Variants in SLC35F2 observed in about 807,000 individuals in gnomAD.
The protein encoded by SLC35F2 is queuine/queuosine transporter SLC35F2.
In SLC35F2, 25 loss-of-function variants were observed where a neutral mutation model predicts 38.1. The observed-to-expected ratio is 0.66, with a 90% CI of 0.48 to 0.92. The LOEUF (loss-of-function observed/expected upper bound fraction) is 0.92, where lower values mean the gene tolerates loss of function less well. Ranked by LOEUF, SLC35F2 falls within the 40% of genes least tolerant of loss-of-function variation. The pLI, the probability that SLC35F2 is intolerant of heterozygous loss-of-function variation, is 0.00. For synonymous variants in SLC35F2, 173 were observed against 181.7 expected, an observed-to-expected ratio of 0.95 and a Z score of 0.38; for missense variants, 409 against 452.9, an observed-to-expected ratio of 0.90 and a Z score of 0.88.
intron 1 of SLC35F2, among the ~76,000 whole-genome samples, chr11:107,857,347 AGGAAGGAAGGAGAGAGGGAGAGAGGGAG>A (rs1330603062): frequency 3.6e-5 from 5 of 140,438 alleles, no homozygotes; most frequent in Admixed American, 1.4e-4. Context: ...GAGAGAGGGA[AGGAAGGAAGGAGAGAGGGAGAGAGGGAG>A]GGAAGGGAGG....
At chr11:107,822,170 G>A (rs1276373900) in intron 1 of SLC35F2, among the ~76,000 whole-genome samples, 1 of 152,096 alleles carries the variant, frequency 6.6e-6, no homozygotes, top group African/African-American at 2.4e-5. Flanking sequence ...TTGAACCCAG[G>A]AGGCAGAGGC....
In SLC35F2 at chr11:107,810,687, T is replaced by C. The variant is rs555321006; in HGVS notation, c.414+980A>G. 8 of 984,698 alleles carry C rather than the reference T, an allele frequency of 8.1e-6. No homozygotes were observed. In the South Asian group the frequency reaches 2.4e-4, roughly 29 times the overall value. 61.0% of individuals were successfully genotyped at this position (984,698 alleles called of 1,614,324 possible). On this transcript the variant is annotated intron_variant, in intron 3 of 7. Transcript: ENST00000525815. ...CCCATACTGGTCAAAATCCAAGAGG[T>C]TTCCTGAGAACAATGCTTAGCACAA...
At chr11:107,796,887 G>A (rs1859226309) in intron 7 of SLC35F2, among the ~76,000 whole-genome samples, 1 of 152,032 alleles carries the variant, frequency 6.6e-6, no homozygotes. Flanking sequence ...TGCCCAGGCT[G>A]GTCTCAAACT....
At chr11:107,806,964 T>C in intron 3 of SLC35F2, 88 bp from the exon 4 acceptor site, 3 of 1,204,698 alleles carry the variant, frequency 2.5e-6, no homozygotes, top group African/African-American at 1.5e-5. Flanking sequence ...TCAGTATTTA[T>C]AATAGGAGTC....
intron 1 of SLC35F2, among the ~76,000 whole-genome samples, chr11:107,839,588 T>G (rs1028160958): frequency 2.0e-5 from 3 of 152,352 alleles, no homozygotes; most frequent in African/African-American, 7.2e-5. Flanking sequence ...AGGGAAAATA[T>G]AAAATCCATG....
At chr11:107,845,810 G>A (rs1452072672) in intron 1 of SLC35F2, among the ~76,000 whole-genome samples, 1 of 151,886 alleles carries the variant, frequency 6.6e-6, no homozygotes, top group African/African-American at 2.4e-5. Flanking sequence ...AAAATTAGCT[G>A]GGCGTGGTGG....
rs1591180877 is a variant in SLC35F2 at position 107,791,277 on chromosome 11, T to G, written c.*1338A>C. Reference sequence around the variant, plus strand: ...GATTAATTTTATATTTTCATTTTGATGAGAATCTTTTCTTGTTTTTACCAG... The same window carrying G: ...GATTAATTTTATATTTTCATTTTGAGGAGAATCTTTTCTTGTTTTTACCAG... On this transcript the variant is annotated 3_prime_UTR_variant, in exon 8 of 8. Coordinates refer to ENST00000525815, the MANE Select transcript of SLC35F2 (RefSeq NM_017515.5). 1 of 152,338 alleles carries G rather than the reference T, an allele frequency of 6.6e-6. No individual in the cohort carries two copies. The highest frequency in any genetic ancestry group is 2.4e-5 in the African/African-American group (1 of 41,460). The allele number at this position is 152,338 out of a possible 1,614,324, so 9.4% of individuals were successfully genotyped here.
intron 2 of SLC35F2, 42 bp from the exon 3 acceptor site, chr11:107,811,836 T>C (rs764229944): frequency 3.5e-5 from 55 of 1,572,560 alleles, no homozygotes; most frequent in Non-Finnish European, 4.5e-5. Context: ...TACTTGCAAA[T>C]GATACCATAC....
At chr11:107,795,944 G>A (rs1859210358) in intron 7 of SLC35F2, among the ~76,000 whole-genome samples, 1 of 152,164 alleles carries the variant, frequency 6.6e-6, no homozygotes, top group African/African-American at 2.4e-5. Context: ...GACCAGCCTG[G>A]CCAAGATGGT....
intron 7 of SLC35F2, among the ~76,000 whole-genome samples, chr11:107,800,104 G>A (rs1354757895): frequency 6.6e-6 from 1 of 151,652 alleles, no homozygotes; most frequent in Non-Finnish European, 1.5e-5. Context: ...TAGCCAGGAT[G>A]GTCTCGATCT....
intron 1 of SLC35F2, among the ~76,000 whole-genome samples, chr11:107,852,469 T>C (rs1369517268): frequency 1.3e-5 from 2 of 151,362 alleles, no homozygotes; most frequent in Non-Finnish European, 2.9e-5. Context: ...GAGAATCACT[T>C]GAACCTGGGA....
intron 1 of SLC35F2, among the ~76,000 whole-genome samples, chr11:107,848,419 A>T (rs570571813): frequency 9.2e-5 from 14 of 152,166 alleles, no homozygotes; most frequent in Non-Finnish European, 1.9e-4. Context: ...CTCAAAATTC[A>T]TATGTTGAAA....
At chr11:107,794,727 TAA>T (rs1325498877) in intron 7 of SLC35F2, among the ~76,000 whole-genome samples, 1 of 152,104 alleles carries the variant, frequency 6.6e-6, no homozygotes, top group Admixed American at 6.6e-5. Context: ...GAAAAAGAAA[TAA>T]GAGGCATCCA....
At chr11:107,826,587 G>A (rs989774425) in intron 1 of SLC35F2, among the ~76,000 whole-genome samples, 2 of 152,116 alleles carry the variant, frequency 1.3e-5, no homozygotes, top group African/African-American at 4.8e-5. Context: ...GGACAGCAGA[G>A]GGAGCAAAGT....
Position 107,792,549 on chromosome 11 carries a change from T to C in SLC35F2, c.*66A>G, listed in dbSNP as rs1859149849. ...ATTCTGAGTCTGCTATTTCCCCAAG[T>C]GTCCCCTCAGCAGGCAGCAGGCTCT... On this transcript the variant is annotated 3_prime_UTR_variant, in exon 8 of 8. Coordinates refer to ENST00000525815, the MANE Select transcript of SLC35F2 (RefSeq NM_017515.5). 4.0e-6 allele frequency: 6 copies of C among 1,510,292 alleles called. No homozygotes were observed. Among genetic ancestry groups the C allele is most frequent in the Admixed American group, 2.1e-5 (1 of 47,318 alleles). 93.6% of individuals were successfully genotyped at this position (1,510,292 alleles called of 1,614,324 possible). A position where few individuals can be genotyped will look rare whatever the true frequency, so the allele number is the denominator to read the frequency against.
chr11:107,821,416 C>A (rs983678226), intron 1 of SLC35F2: 22 of 985,304 alleles, frequency 2.2e-5, no homozygotes, highest in Non-Finnish European at 2.5e-5. Context: ...ATAATGACCT[C>A]ATCTATAATA....
chr11:107,834,307 G>C (rs1375007391), intron 1 of SLC35F2, among the ~76,000 whole-genome samples: 2 of 152,188 alleles, frequency 1.3e-5, no homozygotes, highest in Non-Finnish European at 2.9e-5. Context: ...AACAAGGTTA[G>C]GCATTACAAA....
Position 107,844,210 on chromosome 11 carries a change from G to A in SLC35F2, c.110+14448C>T, listed in dbSNP as rs1591208335. Among the ~76,000 whole-genome samples the A allele has an allele frequency of 2.0e-5, 3 of 152,158 alleles. No individual in the cohort carries two copies. The East Asian group carries it at 5.8e-4, about 29-fold the overall frequency. The stretch of plus-strand genomic sequence containing the variant: ...CCAGACTGCCTGAGGGGGAAGCCTG[G>A]TTGCATTCCTTACTACTGTGTGACT... On this transcript the variant is annotated intron_variant, in intron 1 of 7. Transcript: ENST00000525815.
intron 1 of SLC35F2, among the ~76,000 whole-genome samples, chr11:107,842,331 C>T (rs1860026160): frequency 7.1e-6 from 1 of 141,086 alleles, no homozygotes; most frequent in Non-Finnish European, 1.5e-5. Context: ...TCATATACAG[C>T]TGGTGGAAGT....
Sources: allele counts gnomAD v4.1 joint callset (sites outside exome capture counted in the v4.1 genomes callset), GRCh38; gene constraint gnomAD v4.1.1; transcripts MANE v1.5; gene names NCBI Gene and HGNC (gene_info 2026-07-23, HGNC 2026-07-21).